The following PPARGC1A variants were observed in gnomAD, a reference collection of about 807,000 sequenced individuals.
PPARGC1A encodes the protein PPARG coactivator 1 alpha.
PPARGC1A carries 25 observed loss-of-function variants against 88.7 expected under a neutral mutation model. The ratio of observed to expected loss-of-function variants is 0.28; its 90% CI spans 0.21 to 0.39. The LOEUF (loss-of-function observed/expected upper bound fraction) is 0.39. Ranked by LOEUF, PPARGC1A falls within the 10% of genes least tolerant of loss-of-function variation. PPARGC1A has a pLI of 1.00. For missense variants in PPARGC1A, 880 were observed against 968.7 expected (o/e 0.91, Z 1.22); for synonymous variants, 363 against 355.6 (o/e 1.02, Z -0.24).
At chr4:24,218,763 A>G in the PPARGC1A span, among the ~76,000 whole-genome samples, 1 of 152,338 alleles carries the variant, frequency 6.6e-6, no homozygotes, top group South Asian at 2.1e-4. Context: ...TTTAGGAAAC[A>G]CCCATTGTTG....
At chr4:24,370,144 A>T in the PPARGC1A span, among the ~76,000 whole-genome samples, 1 of 151,986 alleles carries the variant, frequency 6.6e-6, no homozygotes, top group Non-Finnish European at 1.5e-5. Flanking sequence ...TTCTTTTAAC[A>T]TTTTTTTTCA....
At chr4:24,221,354 C>T in the PPARGC1A span, among the ~76,000 whole-genome samples, 1 of 152,082 alleles carries the variant, frequency 6.6e-6, no homozygotes, top group East Asian at 1.9e-4. Context: ...TATGGCAAAC[C>T]TAAGACGTAC....
At chr4:24,210,233 A>C in the PPARGC1A span, among the ~76,000 whole-genome samples, 2 of 152,212 alleles carry the variant, frequency 1.3e-5, no homozygotes, top group African/African-American at 2.4e-5. Context: ...AGGATTAAAT[A>C]AGATCACTGG....
the PPARGC1A span, among the ~76,000 whole-genome samples, chr4:24,245,924 T>TGCGC: frequency 1.2e-5 from 1 of 84,748 alleles, no homozygotes; most frequent in Non-Finnish European, 2.3e-5. Flanking sequence ...GAAAGCCATG[T>TGCGC]GCACACACAC....
At chr4:24,217,228 C>G in the PPARGC1A span, among the ~76,000 whole-genome samples, 1 of 152,206 alleles carries the variant, frequency 6.6e-6, no homozygotes, top group East Asian at 1.9e-4. Context: ...AACAACAGAT[C>G]ATGAAGCTGA....
chr4:23,844,634 AAT>A (rs1446847348), intron 2 of PPARGC1A, among the ~76,000 whole-genome samples: 4 of 42,616 alleles, frequency 9.4e-5, no homozygotes, highest in Non-Finnish European at 1.5e-4. Flanking sequence ...AATATATAAT[AAT>A]ATATATCATA....
chr4:24,185,815 G>C, the PPARGC1A span, among the ~76,000 whole-genome samples: 1 of 129,520 alleles, frequency 7.7e-6, no homozygotes, highest in South Asian at 2.5e-4. Context: ...AGTCCCCAGA[G>C]TGTGATATTC....
the PPARGC1A span, among the ~76,000 whole-genome samples, chr4:24,172,105 C>G: frequency 6.6e-6 from 1 of 152,108 alleles, no homozygotes; most frequent in Admixed American, 6.5e-5. Flanking sequence ...GCAAAAACTA[C>G]CATCTAGTAT....
the PPARGC1A span, among the ~76,000 whole-genome samples, chr4:24,145,724 G>A: frequency 6.6e-6 from 1 of 152,216 alleles, no homozygotes. Context: ...GAGACAGCTA[G>A]AGACAGCAGG....
At chr4:24,022,478 G>A in the PPARGC1A span, among the ~76,000 whole-genome samples, 75 of 152,276 alleles carry the variant, frequency 4.9e-4, no homozygotes, top group East Asian at 4.3e-3. Context: ...AGTGCCACGG[G>A]GCTGGGGTTT....
the PPARGC1A span, among the ~76,000 whole-genome samples, chr4:24,070,506 C>T: frequency 1.3e-5 from 2 of 152,174 alleles, no homozygotes; most frequent in South Asian, 2.1e-4. Context: ...GCTCTGTGTT[C>T]GGTCAAGACT....
the PPARGC1A span, among the ~76,000 whole-genome samples, chr4:24,385,688 C>T: frequency 6.6e-6 from 1 of 152,100 alleles, no homozygotes; most frequent in Non-Finnish European, 1.5e-5. Flanking sequence ...CAAGACTAAA[C>T]CAGGAAGAAG....
At chr4:24,026,090 A>G in the PPARGC1A span, among the ~76,000 whole-genome samples, 9 of 152,354 alleles carry the variant, frequency 5.9e-5, no homozygotes, top group African/African-American at 2.2e-4. Context: ...ACCTAAAATG[A>G]AGAAAACTGG....
At chr4:24,180,239 G>A in the PPARGC1A span, among the ~76,000 whole-genome samples, 4 of 151,994 alleles carry the variant, frequency 2.6e-5, no homozygotes, top group Non-Finnish European at 4.4e-5. Flanking sequence ...CACAATCTTT[G>A]CTAATCTGCA....
At chr4:24,147,875 C>G in the PPARGC1A span, among the ~76,000 whole-genome samples, 1 of 152,078 alleles carries the variant, frequency 6.6e-6, no homozygotes, top group African/African-American at 2.4e-5. Context: ...GCCCGGGAGG[C>G]AGAGGTTGCA....
At chr4:23,953,836 AC>A in the PPARGC1A span, among the ~76,000 whole-genome samples, 1 of 152,064 alleles carries the variant, frequency 6.6e-6, no homozygotes, top group South Asian at 2.1e-4. Flanking sequence ...ATACAAGGCT[AC>A]ATTGTCACAT....
At chr4:23,938,001 T>C in the PPARGC1A span, among the ~76,000 whole-genome samples, 1 of 152,246 alleles carries the variant, frequency 6.6e-6, no homozygotes, top group African/African-American at 2.4e-5. Flanking sequence ...CAGTTGGGCT[T>C]GGAGGTGGGT....
chr4:24,037,661 C>T, the PPARGC1A span, among the ~76,000 whole-genome samples: 1 of 152,164 alleles, frequency 6.6e-6, no homozygotes, highest in Non-Finnish European at 1.5e-5. Context: ...TTTCCAATAA[C>T]ATAAGAGAAA....
the PPARGC1A span, among the ~76,000 whole-genome samples, chr4:24,072,094 C>A: frequency 6.8e-6 from 1 of 147,842 alleles, no homozygotes; most frequent in South Asian, 2.1e-4. Context: ...TAGTATTAGT[C>A]CTCTTCAATA....
Sources: allele counts gnomAD v4.1 joint callset (sites outside exome capture counted in the v4.1 genomes callset), GRCh38; gene constraint gnomAD v4.1.1; transcripts MANE v1.5; gene names NCBI Gene and HGNC (gene_info 2026-07-23, HGNC 2026-07-21).